The following TENM4 variants were observed in gnomAD, a reference collection of about 807,000 sequenced individuals.
The protein encoded by TENM4 is teneurin transmembrane protein 4.
In TENM4, 82 loss-of-function variants were observed where a neutral mutation model predicts 243.3. The observed-to-expected ratio is 0.34, with a 90% CI of 0.28 to 0.40. The LOEUF is 0.40. Among genes scored for constraint, TENM4 ranks in the 10% least tolerant of loss-of-function variants. The pLI, the probability that TENM4 is intolerant of heterozygous loss-of-function variation, is 1.00. For synonymous variants in TENM4, 1,412 were observed against 1,456.3 expected (o/e 0.97, Z 0.69); for missense variants, 3,138 against 3,673.3 (o/e 0.85, Z 3.77).
At chr11:79,320,188 T>A (rs1333531967) in intron 1 of TENM4, among the ~76,000 whole-genome samples, 1 of 152,232 alleles carries the variant, frequency 6.6e-6, no homozygotes, top group Non-Finnish European at 1.5e-5. Flanking sequence ...GCGTTTGCAC[T>A]CAGTGTTTAC....
At chr11:79,243,088 T>C (rs1481495122) in intron 2 of TENM4, among the ~76,000 whole-genome samples, 1 of 152,104 alleles carries the variant, frequency 6.6e-6, no homozygotes, top group East Asian at 1.9e-4. Context: ...TCCCCTTGTC[T>C]GGGGCTCCAC....
At chr11:78,673,801 A>G (rs1167634881) in intron 30 of TENM4, among the ~76,000 whole-genome samples, 2 of 152,216 alleles carry the variant, frequency 1.3e-5, no homozygotes, top group Non-Finnish European at 2.9e-5. Context: ...TCTCCCACAC[A>G]AATTCTAAGG....
chr11:79,085,777 T>C (rs1860797995), intron 4 of TENM4, among the ~76,000 whole-genome samples: 1 of 152,200 alleles, frequency 6.6e-6, no homozygotes, highest in South Asian at 2.1e-4. Flanking sequence ...TGAAGTCAGA[T>C]GCAGTCTTAT....
chr11:78,901,313 C>A (rs576009592), intron 7 of TENM4, among the ~76,000 whole-genome samples: 1 of 152,184 alleles, frequency 6.6e-6, no homozygotes, highest in East Asian at 1.9e-4. Context: ...TTGCTTATTT[C>A]ATTGTCTAGC....
chr11:78,799,943 A>C (rs1296898815), intron 15 of TENM4, among the ~76,000 whole-genome samples: 2 of 152,134 alleles, frequency 1.3e-5, no homozygotes, highest in Non-Finnish European at 2.9e-5. Context: ...GAATAAATTT[A>C]TGAGGCTGAG....
chr11:79,277,820 G>A (rs527523965), intron 2 of TENM4, among the ~76,000 whole-genome samples: 1 of 152,210 alleles, frequency 6.6e-6, no homozygotes, highest in East Asian at 1.9e-4. Flanking sequence ...TTTTCTGAGG[G>A]TCTTCTTTAT....
chr11:78,758,804 G>A (rs1856368660), intron 18 of TENM4, among the ~76,000 whole-genome samples: 1 of 152,168 alleles, frequency 6.6e-6, no homozygotes, highest in Admixed American at 6.5e-5. Flanking sequence ...AAAGAGTATG[G>A]ATTCCAGAGA....
At chr11:79,301,581 G>A (rs770945921) in intron 1 of TENM4, among the ~76,000 whole-genome samples, 3 of 152,202 alleles carry the variant, frequency 2.0e-5, no homozygotes, top group African/African-American at 4.8e-5. Context: ...GGCATGGTTG[G>A]TTTAATGAGA....
intron 6 of TENM4, among the ~76,000 whole-genome samples, chr11:78,921,045 A>C (rs2136386126): frequency 6.6e-6 from 1 of 152,328 alleles, no homozygotes; most frequent in Non-Finnish European, 1.5e-5. Flanking sequence ...AGGGAAGTGA[A>C]GGGTTAGCAT....
chr11:79,216,157 C>G (rs148706487), intron 2 of TENM4, among the ~76,000 whole-genome samples: 53 of 152,344 alleles, frequency 3.5e-4, no homozygotes, highest in African/African-American at 1.3e-3. Context: ...CCCATCTCAT[C>G]TTGTGCTATG....
At chr11:78,754,290 C>A (rs1423755539) in intron 19 of TENM4, among the ~76,000 whole-genome samples, 3 of 152,218 alleles carry the variant, frequency 2.0e-5, no homozygotes, top group African/African-American at 4.8e-5. Flanking sequence ...TTTTCCCCAG[C>A]ACAGGCTTCT....
chr11:79,052,829 C>T (rs76674195), intron 6 of TENM4, among the ~76,000 whole-genome samples: 9 of 152,328 alleles, frequency 5.9e-5, no homozygotes, highest in African/African-American at 9.6e-5. Context: ...CTCCCACAGA[C>T]TATTCTGGAG....
At chr11:79,261,097 C>T (rs1217837968) in intron 2 of TENM4, among the ~76,000 whole-genome samples, 1 of 152,202 alleles carries the variant, frequency 6.6e-6, no homozygotes, top group African/African-American at 2.4e-5. Flanking sequence ...TTCCTATTTG[C>T]CTTGACCTGG....
intron 6 of TENM4, among the ~76,000 whole-genome samples, chr11:78,906,163 G>C (rs1280365495): frequency 1.3e-5 from 2 of 152,214 alleles, no homozygotes; most frequent in Admixed American, 1.3e-4. Context: ...CTATGTATTG[G>C]AGCATCTGTA....
At chr11:78,950,162 A>C (rs1376239763) in intron 6 of TENM4, among the ~76,000 whole-genome samples, 2 of 152,174 alleles carry the variant, frequency 1.3e-5, no homozygotes, top group Non-Finnish European at 2.9e-5. Flanking sequence ...AACCCACCTC[A>C]GGACAAAGGC....
At chr11:79,137,370 G>A (rs931089045) in intron 4 of TENM4, among the ~76,000 whole-genome samples, 3 of 152,078 alleles carry the variant, frequency 2.0e-5, no homozygotes, top group Non-Finnish European at 4.4e-5. Context: ...GATCCATTAG[G>A]GCATCTCTTA....
intron 6 of TENM4, among the ~76,000 whole-genome samples, chr11:79,040,974 TAAG>T (rs1477486801): frequency 1.3e-5 from 2 of 151,960 alleles, no homozygotes; most frequent in Non-Finnish European, 2.9e-5. Flanking sequence ...GACCAAGGGT[TAAG>T]AAATGAAAAT....
chr11:79,411,165 A>G (rs12286796), intron 1 of TENM4, among the ~76,000 whole-genome samples: 1 of 151,938 alleles, frequency 6.6e-6, no homozygotes, highest in African/African-American at 2.4e-5. Context: ...GGACACACAG[A>G]CTGCCTGACT....
At chr11:79,150,452 A>T (rs182118255) in intron 3 of TENM4, among the ~76,000 whole-genome samples, 68 of 152,218 alleles carry the variant, frequency 4.5e-4, no homozygotes, top group Middle Eastern at 6.8e-3. Context: ...CCTTCCCATG[A>T]CCTTGTCCCC....
Sources: gnomAD v4.1 joint callset for allele counts (sites outside exome capture counted in the v4.1 genomes callset) on GRCh38, gnomAD v4.1.1 for gene constraint, MANE v1.5 for transcripts, NCBI Gene and HGNC (gene_info 2026-07-23, HGNC 2026-07-21) for gene names.